The following STK26 variants were observed in gnomAD, a reference collection of about 807,000 sequenced individuals.
The protein encoded by STK26 is serine/threonine kinase 26.
In STK26, 14 loss-of-function variants were observed where a neutral mutation model predicts 34.7. The ratio of observed to expected loss-of-function variants is 0.40; its 90% CI spans 0.27 to 0.63. The LOEUF (loss-of-function observed/expected upper bound fraction) is 0.63. STK26 is among the 30% of genes least tolerant of loss of function. STK26 has a pLI of 0.38. For missense variants in STK26, 226 were observed against 309.1 expected (o/e 0.73, Z 2.02); for synonymous variants, 100 against 109.8 (o/e 0.91, Z 0.56).
intron 2 of STK26, among the ~76,000 whole-genome samples, chrX:132,047,481 T>G (rs1329137366): frequency 9.0e-6 from 1 of 111,356 alleles, no homozygotes; most frequent in African/African-American, 3.3e-5. Flanking sequence ...ACTGGAAACC[T>G]TAGTATTAAG....
intron 2 of STK26, 60 bp downstream of exon 2, chrX:132,023,719 T>C (rs781498712): frequency 8.8e-7 from 1 of 1,140,181 alleles, no homozygotes; most frequent in South Asian, 2.0e-5. Context: ...CGGTGCGCCC[T>C]CGGTGCTGGG....
At chrX:132,044,094 G>A (rs1926360521) in intron 2 of STK26, among the ~76,000 whole-genome samples, 1 of 111,546 alleles carries the variant, frequency 9.0e-6, no homozygotes, top group South Asian at 3.7e-4. Flanking sequence ...ATAATCACAT[G>A]CCAAAGATTT....
chrX:132,054,206 G>A (rs1210162289), intron 2 of STK26, among the ~76,000 whole-genome samples: 1 of 112,371 alleles, frequency 8.9e-6, no homozygotes, highest in Non-Finnish European at 1.9e-5. Flanking sequence ...CCGAGTTGGA[G>A]AGAGAGGAGT....
At chrX:132,043,049 A>G (rs1423950944) in intron 2 of STK26, among the ~76,000 whole-genome samples, 1 of 112,119 alleles carries the variant, frequency 8.9e-6, no homozygotes, top group Non-Finnish European at 1.9e-5. Context: ...TTAATTTTCT[A>G]AAAGAACTCA....
intron 2 of STK26, among the ~76,000 whole-genome samples, chrX:132,051,363 C>T (rs974968593): frequency 9.0e-6 from 1 of 111,311 alleles, no homozygotes; most frequent in Admixed American, 9.6e-5. Context: ...AATCTGATTG[C>T]CCTGAGGAGG....
chrX:132,028,544 G>C (rs752296716), intron 2 of STK26, among the ~76,000 whole-genome samples: 1 of 111,624 alleles, frequency 9.0e-6, no homozygotes, highest in South Asian at 3.8e-4. Flanking sequence ...ACTCTATGCC[G>C]GGCACTTCAC....
chrX:132,027,179 C>T (rs1935117654), intron 2 of STK26, among the ~76,000 whole-genome samples: 1 of 112,005 alleles, frequency 8.9e-6, no homozygotes. Flanking sequence ...CTGGGCAGGG[C>T]ATTTCCAAGC....
chrX:132,025,590 T>C (rs1385809476), intron 2 of STK26, among the ~76,000 whole-genome samples: 1 of 110,392 alleles, frequency 9.1e-6, no homozygotes, highest in Non-Finnish European at 1.9e-5. Flanking sequence ...GTGATTACTT[T>C]GTCCCACCTA....
chrX:132,035,396 T>G (rs1926004126), intron 2 of STK26, among the ~76,000 whole-genome samples: 1 of 111,247 alleles, frequency 9.0e-6, no homozygotes, highest in Non-Finnish European at 1.9e-5. Context: ...GTAACCTACT[T>G]CAGTTTTTAT....
At chrX:132,066,851 G>C (rs1475062872) in intron 4 of STK26, among the ~76,000 whole-genome samples, 2 of 111,525 alleles carry the variant, frequency 1.8e-5, no homozygotes, top group African/African-American at 6.5e-5. Context: ...TACCTCCCCT[G>C]GTCTTGCCAA....
chrX:132,073,147 A>C, intron 11 of STK26, 54 bp downstream of exon 11: 1 of 1,096,900 alleles, frequency 9.1e-7, no homozygotes, highest in Non-Finnish European at 1.2e-6. Context: ...TTGTATGTTA[A>C]TTTATGATGC....
chrX:132,048,386 T>G (rs986341841), intron 2 of STK26, among the ~76,000 whole-genome samples: 1 of 111,961 alleles, frequency 8.9e-6, no homozygotes, highest in Non-Finnish European at 1.9e-5. Flanking sequence ...TTGTGTGATC[T>G]CTTTACGATG....
intron 2 of STK26, among the ~76,000 whole-genome samples, chrX:132,050,844 T>C (rs1289382650): frequency 8.9e-6 from 1 of 111,737 alleles, no homozygotes; most frequent in Non-Finnish European, 1.9e-5. Flanking sequence ...TAATCAAGGA[T>C]ACAAATTTCA....
intron 7 of STK26, 120 bp from the exon 8 acceptor site, chrX:132,070,949 T>C: frequency 2.7e-6 from 2 of 742,766 alleles, no homozygotes; most frequent in Non-Finnish European, 3.8e-6. Context: ...GTTGTTCTTA[T>C]GTCTACAGAC....
intron 9 of STK26, 62 bp downstream of exon 9, chrX:132,072,423 A>G: frequency 2.1e-6 from 2 of 958,235 alleles, no homozygotes; most frequent in East Asian, 6.5e-5. Context: ...TAGTGAGATG[A>G]TAATGGCCTA....
intron 4 of STK26, among the ~76,000 whole-genome samples, chrX:132,065,446 G>C (rs536615343): frequency 1.8e-5 from 2 of 111,588 alleles, no homozygotes; most frequent in South Asian, 7.5e-4. Context: ...AGGCCACTCT[G>C]TTCAACAGGA....
At chrX:132,068,694 C>A (rs987525366) in intron 6 of STK26, 125 bp downstream of exon 6, 1 of 747,804 alleles carries the variant, frequency 1.3e-6, no homozygotes, top group Non-Finnish European at 1.9e-6. Flanking sequence ...AGAGTTATGT[C>A]ATATTTTGCT....
intron 2 of STK26, among the ~76,000 whole-genome samples, chrX:132,034,478 T>G (rs1353300732): frequency 2.8e-5 from 3 of 107,562 alleles, no homozygotes; most frequent in Non-Finnish European, 3.8e-5. Context: ...GGCTAACTTT[T>G]TGTATTTTTA....
At chrX:132,063,356 T>G in intron 3 of STK26, 77 bp from the exon 4 acceptor site, 1 of 865,599 alleles carries the variant, frequency 1.2e-6, no homozygotes, top group Non-Finnish European at 1.7e-6. Context: ...TGCTTTAGTA[T>G]GTGAGATTTA....
Sources: allele counts gnomAD v4.1 joint callset (sites outside exome capture counted in the v4.1 genomes callset), GRCh38; gene constraint gnomAD v4.1.1; transcripts MANE v1.5; gene names NCBI Gene and HGNC (gene_info 2026-07-23, HGNC 2026-07-21).